Variants in FAM227B observed in about 807,000 individuals in gnomAD.
The protein encoded by FAM227B is protein FAM227B.
Under a neutral mutation model 73.8 loss-of-function variants are expected in FAM227B, and 88 were observed. That is an observed-to-expected ratio of 1.19 (90% CI 1.00 to 1.42). FAM227B has a LOEUF of 1.42. Among genes scored for constraint, FAM227B ranks in the 40% most tolerant of loss-of-function variants. FAM227B has a pLI of 0.00. For missense variants in FAM227B, 632 were observed against 590.9 expected (o/e 1.07, Z -0.72); for synonymous variants, 210 against 190.5 (o/e 1.10, Z -0.84).
chr15:49,444,333 T>A (rs867161405), intron 11 of FAM227B, among the ~76,000 whole-genome samples: 1 of 151,660 alleles, frequency 6.6e-6, no homozygotes, highest in South Asian at 2.1e-4. Flanking sequence ...CATGCTACTA[T>A]GAAAAGATTT....
intron 15 of FAM227B, chr15:49,329,519 G>C: frequency 3.0e-6 from 3 of 985,272 alleles, no homozygotes; most frequent in Non-Finnish European, 3.6e-6. Context: ...GGAGGCCTGC[G>C]CAAAGCTAGT....
Position 49,420,476 on chromosome 15 carries a change from T to C in FAM227B, c.1013-49077A>G, listed in dbSNP as rs549735345. On this transcript the variant is annotated intron_variant, in intron 11 of 15. Transcript: ENST00000299338. Reference sequence around the variant, plus strand: ...GGGTAAAAGTAAAAAATAATATGTATGTGTATATACATATACACACAAACA... The same window carrying C: ...GGGTAAAAGTAAAAAATAATATGTACGTGTATATACATATACACACAAACA... Among the ~76,000 whole-genome samples the C allele has an allele frequency of 2.6e-5, 4 of 152,266 alleles. No homozygotes were observed. The East Asian group carries it at 5.8e-4, about 22-fold the overall frequency.
intron 11 of FAM227B, among the ~76,000 whole-genome samples, chr15:49,452,467 A>G (rs1432847292): frequency 6.6e-6 from 1 of 152,224 alleles, no homozygotes; most frequent in African/African-American, 2.4e-5. Flanking sequence ...TTTGGTAAAC[A>G]AATTAATAAG....
At chr15:49,510,130 G>A (rs564011085) in intron 10 of FAM227B, among the ~76,000 whole-genome samples, 69 of 151,996 alleles carry the variant, frequency 4.5e-4, no homozygotes, top group Non-Finnish European at 8.8e-5. Flanking sequence ...TTCTATTGAC[G>A]TCCAACTAGG....
intron 11 of FAM227B, chr15:49,489,243 A>G (rs1207557294): frequency 1.0e-6 from 1 of 985,000 alleles, no homozygotes; most frequent in East Asian, 1.1e-4. Flanking sequence ...TTTTAATGTC[A>G]CTGCCATAAA....
At chr15:49,514,990 G>A (rs1462879018) in intron 10 of FAM227B, among the ~76,000 whole-genome samples, 1 of 152,046 alleles carries the variant, frequency 6.6e-6, no homozygotes, top group African/African-American at 2.4e-5. Flanking sequence ...ACGAGCTCCA[G>A]GACAAATTTT....
In FAM227B at chr15:49,328,265, C is replaced by A; in HGVS notation, c.*303G>T. ...TCCTTCTGTTTTGTATTATGATGAA[C>A]GGTTGCTATTATATCAAGATATATT... is the stretch of plus-strand genomic sequence containing the variant. On this transcript the variant is annotated 3_prime_UTR_variant, in exon 16 of 16. Coordinates refer to ENST00000299338, the MANE Select transcript of FAM227B (RefSeq NM_152647.3). 1 of 1,459,106 alleles carries A rather than the reference C, an allele frequency of 6.9e-7. No homozygotes were observed. The highest frequency in any genetic ancestry group is 9.0e-7 in the Non-Finnish European group (1 of 1,105,328). 90.4% of individuals were successfully genotyped at this position (1,459,106 alleles called of 1,614,324 possible).
chr15:49,508,329 G>C lies in FAM227B; in HGVS notation c.894C>G (p.Gly298=). 6.2e-7 allele frequency: 1 copy of C among 1,600,210 alleles called. No individual in the cohort carries two copies. Among genetic ancestry groups the C allele is most frequent in the Non-Finnish European group, 8.5e-7 (1 of 1,175,542 alleles). ...CTTTCAGTTTCCAGTGGATCCAAAA[G>C]CCTTTTTGAGGTTTTAAACCTGTTA... The part of the protein sequence containing the change: ...LWCSGLKPQK[G]FWIHWKLKEL... The change falls in exon 11 of 16, where the codon GGC becomes GGG. Residue 298 remains glycine (G), a synonymous_variant. Coordinates refer to ENST00000299338, the MANE Select transcript of FAM227B (RefSeq NM_152647.3).
At chr15:49,503,603 A>C (rs2058331814) in intron 11 of FAM227B, among the ~76,000 whole-genome samples, 2 of 152,210 alleles carry the variant, frequency 1.3e-5, no homozygotes, top group South Asian at 2.1e-4. Context: ...ACCCCATCAA[A>C]AAGTGGGCAA....
intron 9 of FAM227B, among the ~76,000 whole-genome samples, chr15:49,561,113 A>C (rs75129298): frequency 0.18 from 27,048 of 152,144 alleles, 3,102 homozygotes; most frequent in Non-Finnish European, 0.25. Flanking sequence ...AGACTTATCT[A>C]TCTACTTTCC....
intron 9 of FAM227B, among the ~76,000 whole-genome samples, chr15:49,551,780 T>C (rs1001319670): frequency 6.6e-6 from 1 of 152,208 alleles, no homozygotes; most frequent in African/African-American, 2.4e-5. Context: ...GGTTTGAGGT[T>C]ACCATGAGGC....
At chr15:49,529,031 T>G (rs1180201173) in intron 10 of FAM227B, among the ~76,000 whole-genome samples, 1 of 151,822 alleles carries the variant, frequency 6.6e-6, no homozygotes, top group Non-Finnish European at 1.5e-5. Flanking sequence ...ACTCATATGT[T>G]TATCACAACA....
At chr15:49,588,546 ACTATATATATATAT>A (rs2076313764) in intron 4 of FAM227B, among the ~76,000 whole-genome samples, 1 of 41,480 alleles carries the variant, frequency 2.4e-5, no homozygotes, top group Non-Finnish European at 4.5e-5. Flanking sequence ...CATATTGAGG[ACTATATATATATAT>A]ATATATATAT....
intron 10 of FAM227B, among the ~76,000 whole-genome samples, chr15:49,523,531 G>GT (rs2059932953): frequency 6.6e-6 from 1 of 152,162 alleles, no homozygotes; most frequent in South Asian, 2.1e-4. Context: ...TCTCGTGTAT[G>GT]TCTTTATTAG....
chr15:49,573,341 G>A (rs1380939916), intron 8 of FAM227B, among the ~76,000 whole-genome samples: 1 of 152,122 alleles, frequency 6.6e-6, no homozygotes, highest in African/African-American at 2.4e-5. Context: ...AGCTCAGAAT[G>A]TAGTTAATCT....
At chr15:49,507,555 G>A (rs1204202489) in intron 11 of FAM227B, among the ~76,000 whole-genome samples, 1 of 152,078 alleles carries the variant, frequency 6.6e-6, no homozygotes, top group Non-Finnish European at 1.5e-5. Context: ...AGCATAAACA[G>A]GAGAGAAATA....
chr15:49,610,716 C>T (rs2077850347), intron 3 of FAM227B, among the ~76,000 whole-genome samples: 1 of 152,156 alleles, frequency 6.6e-6, no homozygotes, highest in African/African-American at 2.4e-5. Context: ...TGCATGGATC[C>T]AAGGGAAGAC....
intron 13 of FAM227B, 56 bp from the exon 14 acceptor site, chr15:49,335,552 C>T (rs2151178298): frequency 7.5e-7 from 1 of 1,330,642 alleles, no homozygotes; most frequent in Non-Finnish European, 1.1e-6. Flanking sequence ...GGGAAGTAAA[C>T]AGTACCCTTC....
chr15:49,465,181 G>A (rs2054153099), intron 11 of FAM227B, among the ~76,000 whole-genome samples: 2 of 152,038 alleles, frequency 1.3e-5, no homozygotes, highest in South Asian at 4.1e-4. Context: ...TCAGGCTAGA[G>A]TGCAGTAACA....
Sources: gnomAD v4.1 joint callset for allele counts (sites outside exome capture counted in the v4.1 genomes callset) on GRCh38, gnomAD v4.1.1 for gene constraint, MANE v1.5 for transcripts, NCBI Gene and HGNC (gene_info 2026-07-23, HGNC 2026-07-21) for gene names.